Variants in WASHC4 observed in about 807,000 individuals in gnomAD.
WASHC4 encodes the protein WASH complex subunit 7.
WASHC4 carries 86 observed loss-of-function variants against 166.6 expected under a neutral mutation model. The observed-to-expected ratio is 0.52, with a 90% CI of 0.43 to 0.62. The LOEUF (loss-of-function observed/expected upper bound fraction) is 0.62. Among genes scored for constraint, WASHC4 ranks in the 20% least tolerant of loss-of-function variants. The pLI, the probability that WASHC4 is intolerant of heterozygous loss-of-function variation, is 0.00. For synonymous variants in WASHC4, 446 were observed against 451.6 expected, an observed-to-expected ratio of 0.99 and a Z score of 0.16; for missense variants, 1,262 against 1,382.4, an observed-to-expected ratio of 0.91 and a Z score of 1.38.
chr12:105,121,629 T>TC (rs1327015251), intron 9 of WASHC4, among the ~76,000 whole-genome samples: 5 of 152,218 alleles, frequency 3.3e-5, no homozygotes, highest in African/African-American at 1.2e-4. Context: ...TACCTCAGCC[T>TC]CCCAAGTAGC....
At chr12:105,139,768 A>G (rs980198459) in intron 15 of WASHC4, among the ~76,000 whole-genome samples, 1 of 151,614 alleles carries the variant, frequency 6.6e-6, no homozygotes, top group African/African-American at 2.4e-5. Context: ...AGTCACTTGT[A>G]CCTGGTAGAT....
chr12:105,124,344 C>T (rs1396159914), intron 10 of WASHC4, among the ~76,000 whole-genome samples: 1 of 151,872 alleles, frequency 6.6e-6, no homozygotes, highest in Non-Finnish European at 1.5e-5. Flanking sequence ...GTCTTGAACT[C>T]CCGACCTCAG....
chr12:105,162,604 T>C, intron 29 of WASHC4, 145 bp from the exon 30 acceptor site: 1 of 588,608 alleles, frequency 1.7e-6, no homozygotes, highest in Non-Finnish European at 3.0e-6. Flanking sequence ...AAGGCAAATG[T>C]TTCAGATGAA....
At chr12:105,129,161 G>A (rs1011124195) in intron 13 of WASHC4, among the ~76,000 whole-genome samples, 13 of 152,128 alleles carry the variant, frequency 8.5e-5, no homozygotes, top group African/African-American at 2.7e-4. Context: ...AGTCAGGCTG[G>A]TCTCGAACTC....
intron 26 of WASHC4, 22 bp from the exon 27 acceptor site, chr12:105,156,704 A>AT (rs753918902): frequency 8.3e-6 from 13 of 1,575,212 alleles, no homozygotes; most frequent in African/African-American, 2.7e-5. Flanking sequence ...TAAATATCTG[A>AT]TTTTTTTGTG....
At chr12:105,145,138 C>CT (rs1180768768) in intron 22 of WASHC4, among the ~76,000 whole-genome samples, 2 of 151,272 alleles carry the variant, frequency 1.3e-5, no homozygotes, top group Non-Finnish European at 3.0e-5. Flanking sequence ...TTATATACAG[C>CT]TTTTCAGAAA....
At chr12:105,150,317 C>T (rs1040750206) in intron 25 of WASHC4, among the ~76,000 whole-genome samples, 5 of 152,184 alleles carry the variant, frequency 3.3e-5, no homozygotes, top group African/African-American at 1.2e-4. Flanking sequence ...TTCTTACAAA[C>T]AGTGCTGCAG....
In WASHC4 at chr12:105,146,432, G is replaced by GTA; in HGVS notation, c.2335-18_2335-17dup. 1 of 1,358,070 alleles carries GTA rather than the reference G, an allele frequency of 7.4e-7. No individual in the cohort carries two copies. Among genetic ancestry groups the GTA allele is most frequent in the Middle Eastern group, 1.8e-4 (1 of 5,468 alleles). The allele number at this position is 1,358,070 out of a possible 1,614,324, so 84.1% of individuals were successfully genotyped here. A position where few individuals can be genotyped will look rare whatever the true frequency, so the allele number is the denominator to read the frequency against. On this transcript the variant is annotated intron_variant, in intron 22 of 32. Coordinates refer to ENST00000332180, the MANE Select transcript of WASHC4 (RefSeq NM_015275.3). ...ATTTTAATGAATTATAATAAAACTT[G>GTA]TATGTGTATTATGTTGTAGGGCCTT...
chr12:105,126,062 G>A lies in WASHC4; in HGVS notation c.845G>A (p.Ser282Asn). ...GGAGGAGTATCTGTGTCAAAAAATA[G>A]TACTTTTGCTGAGGAATTTGCACAT... ...LNGGVSVSKN[S>N]TFAEEFAHSI... The change falls in exon 11 of 33, where the codon AGT becomes AAT. Residue 282 changes from serine to asparagine, a missense_variant. Ser to Asn is a conservative substitution (Grantham distance 46, BLOSUM62 1). Coordinates refer to ENST00000332180, the MANE Select transcript of WASHC4 (RefSeq NM_015275.3). 6.2e-7 allele frequency: 1 copy of A among 1,612,734 alleles called. No homozygotes were observed. Among genetic ancestry groups the A allele is most frequent in the African/African-American group, 1.3e-5 (1 of 74,998 alleles).
chr12:105,137,768 A>T, intron 14 of WASHC4, 118 bp from the exon 15 acceptor site: 1 of 813,074 alleles, frequency 1.2e-6, no homozygotes, highest in Non-Finnish European at 2.0e-6. Context: ...AGCTGGCTTT[A>T]AGATGAACTT....
At position 105,118,426 on chromosome 12, in the gene WASHC4, T is replaced by G; in HGVS notation, c.436-20T>G. ...ATTTAAAGAGTAACTTTATAATATA[T>G]ACCCACCTTCTCGTTTCAGGAACTG... On this transcript the variant is annotated intron_variant, in intron 6 of 32. Transcript: ENST00000332180. 1 of 1,538,606 alleles carries G rather than the reference T, an allele frequency of 6.5e-7. No homozygotes were observed. The highest frequency in any genetic ancestry group is 9.0e-7 in the Non-Finnish European group (1 of 1,111,158).
intron 30 of WASHC4, 136 bp downstream of exon 30, chr12:105,162,981 CAG>C (rs1566032143): frequency 5.5e-6 from 3 of 545,596 alleles, no homozygotes; most frequent in African/African-American, 3.9e-5. Flanking sequence ...TTTTTTGAGA[CAG>C]AGTCTCGTCT....
chr12:105,114,576 G>C, intron 4 of WASHC4, 149 bp downstream of exon 4: 1 of 656,020 alleles, frequency 1.5e-6, no homozygotes, highest in South Asian at 1.8e-5. Flanking sequence ...ACCATTCATT[G>C]AGTACTTAGT....
At chr12:105,148,762 T>G (rs928046363) in intron 24 of WASHC4, 9 of 985,260 alleles carry the variant, frequency 9.1e-6, no homozygotes, top group Non-Finnish European at 1.1e-5. Context: ...ACTTGAGAGT[T>G]AGTGGGGTTG....
intron 26 of WASHC4, 66 bp downstream of exon 26, chr12:105,152,517 T>C: frequency 1.1e-6 from 1 of 892,776 alleles, no homozygotes; most frequent in East Asian, 2.5e-5. Flanking sequence ...ATATATTAAC[T>C]ATTTCACACT....
chr12:105,133,362 G>A (rs1323227506), intron 13 of WASHC4, among the ~76,000 whole-genome samples: 1 of 152,120 alleles, frequency 6.6e-6, no homozygotes, highest in Non-Finnish European at 1.5e-5. Flanking sequence ...TACTCAATGA[G>A]CCTACTTTGA....
At position 105,159,003 on chromosome 12, in the gene WASHC4, C is replaced by T. The variant is rs539014580; in HGVS notation, c.2913-998C>T. Among the ~76,000 whole-genome samples, 194 of 152,294 alleles carry T rather than the reference C, an allele frequency of 1.3e-3. 3 individuals carry two copies. Among genetic ancestry groups the T allele is most frequent in the Non-Finnish European group, 1.4e-3 (98 of 68,010 alleles). Reference sequence around the variant, plus strand: ...TTTCTGTGAGAATAAGGCCCCAGCACAGAAGCTTTGCTCTGGAATAGTCTG... The same window carrying T: ...TTTCTGTGAGAATAAGGCCCCAGCATAGAAGCTTTGCTCTGGAATAGTCTG... On this transcript the variant is annotated intron_variant, in intron 28 of 32. Coordinates refer to ENST00000332180, the MANE Select transcript of WASHC4 (RefSeq NM_015275.3).
At chr12:105,133,067 C>T (rs1240019356) in intron 13 of WASHC4, among the ~76,000 whole-genome samples, 1 of 152,066 alleles carries the variant, frequency 6.6e-6, no homozygotes, top group Non-Finnish European at 1.5e-5. Flanking sequence ...TTACTTTGCT[C>T]AGATCCTCTA....
At chr12:105,134,775 TG>T (rs762182930) in intron 14 of WASHC4, among the ~76,000 whole-genome samples, 50 of 152,064 alleles carry the variant, frequency 3.3e-4, no homozygotes, top group Non-Finnish European at 5.9e-4. Flanking sequence ...TGATAATCTT[TG>T]TTTTTTTTTC....
Sources: allele counts gnomAD v4.1 joint callset (sites outside exome capture counted in the v4.1 genomes callset), GRCh38; gene constraint gnomAD v4.1.1; transcripts MANE v1.5; gene names NCBI Gene and HGNC (gene_info 2026-07-23, HGNC 2026-07-21).